ESRRG: variants seen among roughly 807,000 people sequenced by gnomAD.
ESRRG encodes estrogen related receptor gamma.
Under a neutral mutation model 44.0 loss-of-function variants are expected in ESRRG, and 13 were observed. The ratio of observed to expected loss-of-function variants is 0.30; its 90% CI spans 0.19 to 0.47. The LOEUF is 0.47. Ranked by LOEUF, ESRRG falls within the 20% of genes least tolerant of loss-of-function variation. ESRRG has a pLI of 1.00. For synonymous variants in ESRRG, 215 were observed against 214.6 expected (o/e 1.00, Z -0.02); for missense variants, 395 against 580.6 (o/e 0.68, Z 3.29).
chr1:216,717,054 A>G (rs796488702), intron 1 of ESRRG, among the ~76,000 whole-genome samples: 26 of 152,060 alleles, frequency 1.7e-4, no homozygotes, highest in African/African-American at 6.0e-4. Flanking sequence ...AGAAATCAAA[A>G]CATCAAAAGC....
chr1:216,714,498 C>T, intron 1 of ESRRG: 2 of 619,522 alleles, frequency 3.2e-6, no homozygotes, highest in Non-Finnish European at 4.0e-6. Flanking sequence ...AGACAATAGA[C>T]AATATCACCG....
chr1:216,697,110 C>T (rs61399384), intron 1 of ESRRG, among the ~76,000 whole-genome samples: 6,981 of 151,928 alleles, frequency 0.046, 537 homozygotes, highest in African/African-American at 0.16. Context: ...GGACTACAGG[C>T]GTGCACCACC....
intron 3 of ESRRG, among the ~76,000 whole-genome samples, chr1:216,599,483 C>T (rs1036586109): frequency 6.6e-6 from 1 of 152,028 alleles, no homozygotes; most frequent in Non-Finnish European, 1.5e-5. Flanking sequence ...AAAATCCTTT[C>T]GATTTTTACC....
chr1:216,996,325 A>G (rs2076373037), intron 1 of ESRRG, among the ~76,000 whole-genome samples: 1 of 152,126 alleles, frequency 6.6e-6, no homozygotes, highest in East Asian at 1.9e-4. Flanking sequence ...GGAAGTAGAA[A>G]TGGTAAGTAC....
intron 6 of ESRRG, among the ~76,000 whole-genome samples, chr1:216,509,635 G>A (rs566966517): frequency 6.6e-6 from 1 of 152,238 alleles, no homozygotes; most frequent in African/African-American, 2.4e-5. Context: ...CAGCAATTAA[G>A]ATTTCAAACT....
intron 3 of ESRRG, among the ~76,000 whole-genome samples, chr1:216,625,063 C>T (rs140152478): frequency 2.0e-5 from 3 of 152,146 alleles, no homozygotes; most frequent in Non-Finnish European, 4.4e-5. Flanking sequence ...TCAGATTTAA[C>T]TCTGAATGCT....
chr1:216,682,709 A>AGTGTGT (rs72420221), intron 1 of ESRRG, among the ~76,000 whole-genome samples: 169 of 144,758 alleles, frequency 1.2e-3, no homozygotes, highest in East Asian at 4.2e-3. Flanking sequence ...AATACTCTAT[A>AGTGTGT]GTGTGTGTGT....
chr1:216,760,648 G>A (rs73093972), intron 2 of ESRRG, among the ~76,000 whole-genome samples: 1 of 152,008 alleles, frequency 6.6e-6, no homozygotes, highest in South Asian at 2.1e-4. Context: ...GGGAATAAAG[G>A]ACATTTTGAA....
At chr1:216,954,402 G>T (rs2067557647) in intron 1 of ESRRG, among the ~76,000 whole-genome samples, 1 of 152,124 alleles carries the variant, frequency 6.6e-6, no homozygotes, top group South Asian at 2.1e-4. Flanking sequence ...ACCAAGTTCA[G>T]TTTGCTTCAT....
rs539694063 is a variant in ESRRG at position 216,643,363 on chromosome 1, G to GT, written c.589+7609dup. Among the ~76,000 whole-genome samples the GT allele has an allele frequency of 3.2e-4, 48 of 152,274 alleles. No individual in the cohort carries two copies. The East Asian group carries it at 7.7e-3, about 24-fold the overall frequency. ...ACATCTGGACAACTAATTCCCTAATGTAAAAGAAGAGGATCTCCATACTCC... is the reference window on the plus strand; with the variant it reads ...ACATCTGGACAACTAATTCCCTAATGTTAAAAGAAGAGGATCTCCATACTCC... On this transcript the variant is annotated intron_variant, in intron 3 of 6. Transcript: ENST00000408911.
intron 2 of ESRRG, among the ~76,000 whole-genome samples, chr1:216,733,941 C>A (rs2089367697): frequency 6.7e-6 from 1 of 149,998 alleles, no homozygotes; most frequent in South Asian, 2.1e-4. Flanking sequence ...GGAGGTCGCG[C>A]CACTGCACTC....
At chr1:216,977,865 G>A (rs188701035) in intron 1 of ESRRG, among the ~76,000 whole-genome samples, 13 of 152,162 alleles carry the variant, frequency 8.5e-5, no homozygotes, top group African/African-American at 2.7e-4. Context: ...TCAGGAGTGG[G>A]TTCATAATCT....
chr1:217,105,670 GT>G (rs1387851111), intron 1 of ESRRG, among the ~76,000 whole-genome samples: 2 of 152,128 alleles, frequency 1.3e-5, no homozygotes, highest in Non-Finnish European at 2.9e-5. Flanking sequence ...GCGCCTGCCT[GT>G]CTCCATGGTA....
chr1:217,066,657 C>G (rs888740721), intron 1 of ESRRG, among the ~76,000 whole-genome samples: 5 of 152,210 alleles, frequency 3.3e-5, no homozygotes, highest in Non-Finnish European at 7.3e-5. Context: ...CAGGGCTTCT[C>G]GGCCTAGGCA....
intron 1 of ESRRG, 153 bp downstream of exon 1, chr1:216,723,091 C>G: frequency 1.5e-6 from 1 of 651,174 alleles, no homozygotes; most frequent in South Asian, 1.9e-5. Context: ...AGATCACCCT[C>G]AACACAAAAG....
At chr1:217,112,934 A>G (rs915623064) in intron 1 of ESRRG, among the ~76,000 whole-genome samples, 2 of 152,248 alleles carry the variant, frequency 1.3e-5, no homozygotes, top group Non-Finnish European at 2.9e-5. Context: ...TAGGAGCCTC[A>G]TATAGGACTC....
chr1:217,072,941 A>C (rs563316425), intron 1 of ESRRG, among the ~76,000 whole-genome samples: 2 of 152,210 alleles, frequency 1.3e-5, no homozygotes, highest in African/African-American at 4.8e-5. Flanking sequence ...ATTGTCATTC[A>C]TATGATATCC....
chr1:216,533,169 A>G (rs1310841809), intron 5 of ESRRG, among the ~76,000 whole-genome samples: 1 of 152,106 alleles, frequency 6.6e-6, no homozygotes, highest in Non-Finnish European at 1.5e-5. Flanking sequence ...AATACTAAAT[A>G]CTTTAGTTTC....
At chr1:216,966,276 G>A (rs2070356483) in intron 1 of ESRRG, among the ~76,000 whole-genome samples, 1 of 152,154 alleles carries the variant, frequency 6.6e-6, no homozygotes, top group Non-Finnish European at 1.5e-5. Context: ...AGTATAACGT[G>A]TCAACAAAAG....
Sources: allele counts gnomAD v4.1 joint callset (sites outside exome capture counted in the v4.1 genomes callset), GRCh38; gene constraint gnomAD v4.1.1; transcripts MANE v1.5; gene names NCBI Gene and HGNC (gene_info 2026-07-23, HGNC 2026-07-21).